The following PPA2 variants were observed in gnomAD, a reference collection of about 807,000 sequenced individuals.
The protein encoded by PPA2 is inorganic pyrophosphatase 2.
PPA2 carries 48 observed loss-of-function variants against 49.5 expected under a neutral mutation model. The ratio of observed to expected loss-of-function variants is 0.97; its 90% confidence interval spans 0.77 to 1.23. The LOEUF is 1.23. Ranked by LOEUF, PPA2 falls within the 50% of genes most tolerant of loss-of-function variation. PPA2 has a pLI of 0.00. For synonymous variants in PPA2, 131 were observed against 139.9 expected (o/e 0.94, Z 0.45); for missense variants, 429 against 410.1 (o/e 1.05, Z -0.40).
chr4:105,400,258 TGAAC>T (rs1176732691), intron 7 of PPA2, among the ~76,000 whole-genome samples: 3 of 151,934 alleles, frequency 2.0e-5, no homozygotes, highest in African/African-American at 7.2e-5. Context: ...TTGAGTTCCT[TGAAC>T]GAACGGTTTT....
At position 105,437,955 on chromosome 4, in the gene PPA2, A is replaced by G; in HGVS notation, c.523T>C (p.Ser175Pro). 1 of 1,601,558 alleles carries G rather than the reference A, an allele frequency of 6.2e-7. No homozygotes were observed. The highest frequency in any genetic ancestry group is 1.4e-5 in the African/African-American group (1 of 74,066). The stretch of plus-strand genomic sequence containing the variant: ...ATACAGTCTATAAAACAAACCTTTG[A>G]GCCTATTTCGCAAACATCAATAGGA... ...NDPIDVCEIG[S>P]KILSCGEVIH... The change falls in exon 6 of 12, where the codon TCA (serine) becomes CCA (proline). Residue 175 changes from serine to proline, a missense_variant. Ser to Pro is a moderately conservative substitution (Grantham distance 74). Transcript: ENST00000341695.
chr4:105,397,721 G>T (rs925356263), intron 8 of PPA2, among the ~76,000 whole-genome samples: 2 of 152,096 alleles, frequency 1.3e-5, no homozygotes, highest in African/African-American at 4.8e-5. Context: ...GTTCCCACAA[G>T]AACTGATTGT....
At chr4:105,404,127 G>A (rs1703341058) in intron 7 of PPA2, among the ~76,000 whole-genome samples, 1 of 151,538 alleles carries the variant, frequency 6.6e-6, no homozygotes, top group South Asian at 2.1e-4. Context: ...GAAAGTATGA[G>A]ACCTATTTAA....
chr4:105,468,880 T>C (rs745729974), intron 1 of PPA2, among the ~76,000 whole-genome samples: 13 of 152,192 alleles, frequency 8.5e-5, no homozygotes, highest in Non-Finnish European at 1.9e-4. Context: ...TCTACATCCA[T>C]CTAACTCTCT....
intron 7 of PPA2, among the ~76,000 whole-genome samples, chr4:105,412,765 A>G (rs532643554): frequency 6.6e-6 from 1 of 152,364 alleles, no homozygotes; most frequent in Non-Finnish European, 1.5e-5. Flanking sequence ...GAGAAATGCA[A>G]TTCAAAACCA....
intron 7 of PPA2, among the ~76,000 whole-genome samples, chr4:105,412,548 C>A (rs1233727751): frequency 9.9e-5 from 15 of 152,136 alleles, no homozygotes; most frequent in Non-Finnish European, 1.0e-4. Context: ...AGTGAAGAGG[C>A]AACCTAGAGA....
chr4:105,399,378 A>C, intron 7 of PPA2: 1 of 360,784 alleles, frequency 2.8e-6, no homozygotes, highest in Middle Eastern at 7.1e-4. Context: ...TGCACTCTAC[A>C]AACATTTACA....
intron 10 of PPA2, among the ~76,000 whole-genome samples, chr4:105,377,231 T>C (rs1733292366): frequency 6.6e-6 from 1 of 152,178 alleles, no homozygotes; most frequent in South Asian, 2.1e-4. Context: ...ATTAGAAGTA[T>C]TGGAAAGAAG....
intron 7 of PPA2, among the ~76,000 whole-genome samples, chr4:105,401,317 C>T (rs890492973): frequency 3.3e-5 from 5 of 152,110 alleles, no homozygotes; most frequent in African/African-American, 9.7e-5. Flanking sequence ...TATATAAATA[C>T]AAGACTTCTA....
intron 7 of PPA2, among the ~76,000 whole-genome samples, chr4:105,400,918 T>C (rs1414802038): frequency 1.3e-5 from 2 of 152,088 alleles, no homozygotes; most frequent in Non-Finnish European, 2.9e-5. Flanking sequence ...TCTCCAAATA[T>C]AAGCTAAACT....
At chr4:105,453,537 A>G in intron 3 of PPA2, 61 bp downstream of exon 3, 1 of 1,243,512 alleles carries the variant, frequency 8.0e-7, no homozygotes, top group Non-Finnish European at 1.1e-6. Context: ...GCAAACTATC[A>G]TCAAGGTATT....
Position 105,447,736 on chromosome 4 carries a change from C to CT in PPA2, c.322-1235dup, listed in dbSNP as rs5860798. 7.1e-3 allele frequency among the ~76,000 whole-genome samples: 978 copies of CT among 137,202 alleles called. 7 individuals are homozygous for CT. The highest frequency in any genetic ancestry group is 0.011 in the Non-Finnish European group (692 of 63,238). 90.0% of individuals were successfully genotyped at this position (137,202 alleles called of 152,430 possible). On this transcript the variant is annotated intron_variant, in intron 4 of 11. Coordinates refer to ENST00000341695, the MANE Select transcript of PPA2 (RefSeq NM_176869.3). ...TATTTCAAAGTTAGTTTTCTTTTTTCTTTTTTTTTTTTTTTGAGACAGAGT... is the reference window on the plus strand; with the variant it reads ...TATTTCAAAGTTAGTTTTCTTTTTTCTTTTTTTTTTTTTTTTGAGACAGAGT...
In PPA2 at chr4:105,370,887, C is replaced by A; in HGVS notation, c.940-14G>T. The stretch of plus-strand genomic sequence containing the variant: ...TGAAGATGATACCTGGAAATAAAAA[C>A]AGAGAAAGAATCTCTGTTACAATAA... On this transcript the variant is annotated splice_polypyrimidine_tract_variant and intron_variant, in intron 10 of 11. Transcript: ENST00000341695. The A allele has an allele frequency of 1.4e-6, 2 of 1,468,886 alleles. No homozygotes were observed. The highest frequency in any genetic ancestry group is 2.6e-5 in the East Asian group (1 of 38,762). 91.0% of individuals were successfully genotyped at this position (1,468,886 alleles called of 1,614,324 possible). A position where few individuals can be genotyped will look rare whatever the true frequency, so the allele number is the denominator to read the frequency against.
chr4:105,384,478 T>C (rs561235658), intron 10 of PPA2, among the ~76,000 whole-genome samples: 1 of 152,338 alleles, frequency 6.6e-6, no homozygotes, highest in South Asian at 2.1e-4. Flanking sequence ...ATAGAAACTT[T>C]GAGCCTCTCG....
intron 7 of PPA2, among the ~76,000 whole-genome samples, chr4:105,422,581 G>A (rs1252265028): frequency 1.0e-5 from 1 of 100,426 alleles, no homozygotes; most frequent in Non-Finnish European, 2.4e-5. Flanking sequence ...AGGATGAATT[G>A]CTTGGTATAA....
At chr4:105,381,747 C>T (rs1019781399) in intron 10 of PPA2, among the ~76,000 whole-genome samples, 20 of 151,870 alleles carry the variant, frequency 1.3e-4, no homozygotes, top group Non-Finnish European at 2.5e-4. Context: ...TTACTTGTGC[C>T]TATTCTATTT....
chr4:105,375,388 A>G (rs1206740719), intron 10 of PPA2, among the ~76,000 whole-genome samples: 3 of 151,978 alleles, frequency 2.0e-5, no homozygotes, highest in African/African-American at 7.2e-5. Context: ...AAGAAAAGGC[A>G]TTATTTAAAA....
In PPA2 at chr4:105,464,565, G is replaced by GACA. The variant is rs1314105251; in HGVS notation, c.158-7821_158-7820insTGT. On this transcript the variant is annotated intron_variant, in intron 1 of 11. Coordinates refer to ENST00000341695, the MANE Select transcript of PPA2 (RefSeq NM_176869.3). ...GCCAGGGGCAGAATGATATGGTTTG[G>GACA]CTGTGTCCCCACCCAAATCTCATCT... Among the ~76,000 whole-genome samples, 6 of 152,248 alleles carry GACA rather than the reference G, an allele frequency of 3.9e-5. No homozygotes were observed. In the East Asian group the frequency reaches 1.2e-3, roughly 29 times the overall value.
intron 9 of PPA2, among the ~76,000 whole-genome samples, chr4:105,396,031 T>C (rs1287195972): frequency 2.0e-5 from 3 of 152,176 alleles, no homozygotes; most frequent in Non-Finnish European, 4.4e-5. Flanking sequence ...TGTCCATTTA[T>C]TTATCAGTAT....
Sources: allele counts gnomAD v4.1 joint callset (sites outside exome capture counted in the v4.1 genomes callset), GRCh38; gene constraint gnomAD v4.1.1; transcripts MANE v1.5; gene names NCBI Gene and HGNC (gene_info 2026-07-23, HGNC 2026-07-21).